Variants in ZBTB10 observed in about 807,000 individuals in gnomAD.
The protein encoded by ZBTB10 is zinc finger and BTB domain-containing protein 10.
A neutral mutation model predicts 76.4 loss-of-function variants in ZBTB10; 32 were observed. The ratio of observed to expected loss-of-function variants is 0.42; its 90% CI spans 0.32 to 0.56. The LOEUF (loss-of-function observed/expected upper bound fraction) is 0.56. ZBTB10 is among the 20% of genes least tolerant of loss of function. The pLI is 0.14. For missense variants in ZBTB10, 1,057 were observed against 1,098.5 expected (o/e 0.96, Z 0.53); for synonymous variants, 523 against 432.9 (o/e 1.21, Z -2.58).
At position 80,519,881 on chromosome 8, in the gene ZBTB10, C is replaced by T. The variant is rs866406973; in HGVS notation, c.*353C>T. 2.3e-5 allele frequency: 4 copies of T among 170,892 alleles called. No homozygotes were observed. Among genetic ancestry groups the T allele is most frequent in the African/African-American group, 7.2e-5 (3 of 41,942 alleles). 10.6% of individuals were successfully genotyped at this position (170,892 alleles called of 1,614,324 possible). On this transcript the variant is annotated 3_prime_UTR_variant, in exon 6 of 6. Coordinates refer to ENST00000455036, the MANE Select transcript of ZBTB10 (RefSeq NM_001105539.3). Reference sequence around the variant, plus strand: ...TACTTTAACATGAATGGAGAAAATCCGTTTATGGAAGTACAGTGACAATTG... The same window carrying T: ...TACTTTAACATGAATGGAGAAAATCTGTTTATGGAAGTACAGTGACAATTG...
chr8:80,496,553 A>G (rs1204572806), intron 1 of ZBTB10, among the ~76,000 whole-genome samples: 1 of 152,180 alleles, frequency 6.6e-6, no homozygotes, highest in Non-Finnish European at 1.5e-5. Context: ...TAATTTGTAC[A>G]GTTTGTGTCA....
chr8:80,516,656 T>G (rs1222917869), intron 3 of ZBTB10, among the ~76,000 whole-genome samples: 1 of 152,228 alleles, frequency 6.6e-6, no homozygotes, highest in Non-Finnish European at 1.5e-5. Flanking sequence ...CAGGGGGCTT[T>G]CTTTACATCA....
intron 2 of ZBTB10, among the ~76,000 whole-genome samples, chr8:80,508,028 C>T (rs189684160): frequency 6.6e-6 from 1 of 152,296 alleles, no homozygotes; most frequent in East Asian, 1.9e-4. Flanking sequence ...TAGTAGTCTG[C>T]CACTGTTTCC....
intron 1 of ZBTB10, among the ~76,000 whole-genome samples, chr8:80,489,580 C>G (rs1815571056): frequency 6.6e-6 from 1 of 152,158 alleles, no homozygotes; most frequent in African/African-American, 2.4e-5. Flanking sequence ...AACCTGAAAT[C>G]AGAAGAAGGG....
intron 2 of ZBTB10, among the ~76,000 whole-genome samples, chr8:80,506,382 C>T (rs944202276): frequency 8.6e-5 from 13 of 151,750 alleles, no homozygotes; most frequent in African/African-American, 2.9e-4. Context: ...GTGGCGTGAT[C>T]TTGGCTCACT....
rs572339242 is a variant in ZBTB10, at chr8:80,512,498, C to T, written c.1862-1412C>T. On this transcript the variant is annotated intron_variant, in intron 2 of 5. Coordinates refer to ENST00000455036, the MANE Select transcript of ZBTB10 (RefSeq NM_001105539.3). ...GGCCAAGGCAGGAGGATTGCTTGAG[C>T]CCAGGCATTCAAGGCCAGCCTGGGC... 3.3e-5 allele frequency among the ~76,000 whole-genome samples: 5 copies of T among 152,266 alleles called. No individual in the cohort carries two copies. In the East Asian group the frequency reaches 9.7e-4, roughly 29 times the overall value.
At chr8:80,518,311 C>G in intron 3 of ZBTB10, 92 bp from the exon 4 acceptor site, 1 of 1,211,046 alleles carries the variant, frequency 8.3e-7, no homozygotes, top group Non-Finnish European at 1.1e-6. Flanking sequence ...ATCATAATGC[C>G]TGTAGGATAT....
chr8:80,510,639 AGTGTGT>A (rs58749656), intron 2 of ZBTB10, among the ~76,000 whole-genome samples: 1,259 of 125,706 alleles, frequency 0.01, 6 homozygotes, highest in South Asian at 0.017. Context: ...TTGTGAAACC[AGTGTGT>A]GTGTGTGTGT....
At chr8:80,507,948 T>A in intron 2 of ZBTB10, among the ~76,000 whole-genome samples, 1 of 152,176 alleles carries the variant, frequency 6.6e-6, no homozygotes, top group Non-Finnish European at 1.5e-5. Flanking sequence ...TTATATGATA[T>A]ACTAATGCAT....
chr8:80,510,150 A>C (rs1816152656), intron 2 of ZBTB10, among the ~76,000 whole-genome samples: 1 of 152,340 alleles, frequency 6.6e-6, no homozygotes, highest in South Asian at 2.1e-4. Context: ...GAAGGTAATA[A>C]AGTGGATGCT....
chr8:80,493,589 G>T (rs1224114341), intron 1 of ZBTB10, among the ~76,000 whole-genome samples: 1 of 151,732 alleles, frequency 6.6e-6, no homozygotes, highest in Non-Finnish European at 1.5e-5. Flanking sequence ...GGCCGAGGGG[G>T]ATGGATCATC....
At chr8:80,490,791 C>G (rs1215722913) in intron 1 of ZBTB10, among the ~76,000 whole-genome samples, 1 of 152,142 alleles carries the variant, frequency 6.6e-6, no homozygotes, top group Non-Finnish European at 1.5e-5. Context: ...AGTCCCGTTT[C>G]TGAGAGGAAT....
At chr8:80,516,420 C>T (rs926264985) in intron 3 of ZBTB10, among the ~76,000 whole-genome samples, 23 of 152,156 alleles carry the variant, frequency 1.5e-4, no homozygotes, top group East Asian at 9.6e-4. Context: ...GTAAGATAGG[C>T]GCAGGAGTTT....
chr8:80,507,498 C>T (rs1324961912), intron 2 of ZBTB10, among the ~76,000 whole-genome samples: 1 of 152,002 alleles, frequency 6.6e-6, no homozygotes, highest in East Asian at 2.0e-4. Flanking sequence ...ACATGTAGTC[C>T]CAGCTACTTG....
intron 2 of ZBTB10, among the ~76,000 whole-genome samples, chr8:80,506,725 T>TA (rs1266948562): frequency 6.6e-6 from 1 of 152,232 alleles, no homozygotes; most frequent in East Asian, 1.9e-4. Flanking sequence ...CATGGGGTGT[T>TA]ACAGTCATAG....
chr8:80,524,244 G>A lies in ZBTB10; in HGVS notation c.*4716G>A, dbSNP rs533186931. On this transcript the variant is annotated 3_prime_UTR_variant, in exon 6 of 6. Coordinates refer to ENST00000455036, the MANE Select transcript of ZBTB10 (RefSeq NM_001105539.3). ...TACTATAAGGGTTTTTTGTTTATTT[G>A]TATGTTTTTATATGAAAGTACATAA... is the stretch of plus-strand genomic sequence containing the variant. 26 of 152,008 alleles carry A rather than the reference G, an allele frequency of 1.7e-4. No homozygotes were observed. Among genetic ancestry groups the A allele is most frequent in the Non-Finnish European group, 3.7e-4 (25 of 67,854 alleles). The allele number at this position is 152,008 out of a possible 1,614,324, so 9.4% of individuals were successfully genotyped here.
intron 2 of ZBTB10, among the ~76,000 whole-genome samples, chr8:80,501,377 A>G (rs1815920423): frequency 6.6e-6 from 1 of 152,220 alleles, no homozygotes; most frequent in African/African-American, 2.4e-5. Context: ...CTTTAGTTTA[A>G]TCTGGCTGTG....
Position 80,486,939 on chromosome 8 carries a change from G to T in ZBTB10, c.129G>T (p.Gln43His). The change falls in exon 1 of 6, where the codon CAG becomes CAT. Residue 43 changes from glutamine to histidine, a missense_variant. Gln to His is a conservative substitution (Grantham distance 24, BLOSUM62 0). Around this residue, in one of 5 missense-constraint regions of ZBTB10, gnomAD observed 556 missense variants for 451.7 expected, o/e 1.23. Transcript: ENST00000455036. The part of the protein sequence containing the change: ...GEASAWPPQP[Q>H]PRQPPPPAPP... ...CCTCAGCTTGGCCTCCGCAGCCCCAGCCGAGACAGCCCCCGCCGCCAGCGC... is the reference window on the plus strand; with the variant it reads ...CCTCAGCTTGGCCTCCGCAGCCCCATCCGAGACAGCCCCCGCCGCCAGCGC... 1 of 1,514,028 alleles carries T rather than the reference G, an allele frequency of 6.6e-7. No homozygotes were observed. 93.8% of individuals were successfully genotyped at this position (1,514,028 alleles called of 1,614,324 possible). A position where few individuals can be genotyped will look rare whatever the true frequency, so the allele number is the denominator to read the frequency against.
At chr8:80,507,857 C>T (rs1816099687) in intron 2 of ZBTB10, among the ~76,000 whole-genome samples, 3 of 152,184 alleles carry the variant, frequency 2.0e-5, no homozygotes, top group Admixed American at 2.0e-4. Context: ...GCCTCAGCCT[C>T]CCAGAGTGCT....
Sources: gnomAD v4.1 joint callset for allele counts (sites outside exome capture counted in the v4.1 genomes callset) on GRCh38, gnomAD v4.1.1 for gene constraint, gnomAD v4.1.1 regional missense constraint, MANE v1.5 for transcripts, NCBI Gene and HGNC (gene_info 2026-07-23, HGNC 2026-07-21) for gene names.